Variants in PPM1L observed in about 807,000 individuals in gnomAD.
PPM1L encodes protein phosphatase 1L.
Under a neutral mutation model 31.4 loss-of-function variants are expected in PPM1L, and 13 were observed. The observed-to-expected ratio is 0.41, with a 90% CI of 0.27 to 0.66. PPM1L has a LOEUF of 0.66. Among genes scored for constraint, PPM1L ranks in the 30% least tolerant of loss-of-function variants. The probability of loss-of-function intolerance (pLI) is 0.29; values close to 1 mark genes in which losing one functional copy is unlikely to be tolerated. For synonymous variants in PPM1L, 184 were observed against 175.4 expected (o/e 1.05, Z -0.39); for missense variants, 326 against 453.7 (o/e 0.72, Z 2.56).
rs1553748137 is a variant in PPM1L at position 160,944,802 on chromosome 3, C to CATATATTATATATATGTT, written c.400-16928_400-16927insTATATATATGTTATATAT. ...ATTATATTATATATGTTATATATAA[C>CATATATTATATATATGTT]ATATATAACATATATATGTTATATA... On this transcript the variant is annotated intron_variant, in intron 1 of 3. Transcript: ENST00000498165. Among the ~76,000 whole-genome samples, 25 of 14,320 alleles carry CATATATTATATATATGTT rather than the reference C, an allele frequency of 1.7e-3. 7 individuals carry two copies. The highest frequency in any genetic ancestry group is 4.6e-3 in the Non-Finnish European group (16 of 3,478). 9.4% of individuals were successfully genotyped at this position (14,320 alleles called of 152,430 possible). A position where few individuals can be genotyped will look rare whatever the true frequency, so the allele number is the denominator to read the frequency against.
At chr3:160,829,505 A>G (rs1414021568) in intron 1 of PPM1L, among the ~76,000 whole-genome samples, 1 of 152,144 alleles carries the variant, frequency 6.6e-6, no homozygotes, top group African/African-American at 2.4e-5. Context: ...TAGACAACTC[A>G]CTCAACTGCC....
intron 1 of PPM1L, among the ~76,000 whole-genome samples, chr3:160,920,653 A>C (rs1423143052): frequency 1.3e-5 from 2 of 150,910 alleles, no homozygotes; most frequent in Non-Finnish European, 3.0e-5. Flanking sequence ...ACACACACAC[A>C]CACACACACA....
At chr3:160,788,796 T>C (rs1181641746) in intron 1 of PPM1L, among the ~76,000 whole-genome samples, 1 of 152,068 alleles carries the variant, frequency 6.6e-6, no homozygotes, top group Non-Finnish European at 1.5e-5. Context: ...CCATCTTTTC[T>C]CTGCTTTTTT....
At chr3:160,992,610 C>T (rs1717171551) in intron 2 of PPM1L, among the ~76,000 whole-genome samples, 1 of 152,250 alleles carries the variant, frequency 6.6e-6, no homozygotes, top group South Asian at 2.1e-4. Flanking sequence ...CCTTACTCAG[C>T]TCTTTCTCTC....
At chr3:161,007,441 G>A (rs960826900) in intron 2 of PPM1L, among the ~76,000 whole-genome samples, 1 of 152,174 alleles carries the variant, frequency 6.6e-6, no homozygotes, top group Non-Finnish European at 1.5e-5. Context: ...TTGAGGGAAA[G>A]CAAGGAGGCC....
intron 1 of PPM1L, among the ~76,000 whole-genome samples, chr3:160,899,664 A>T (rs1713473247): frequency 6.6e-6 from 1 of 152,148 alleles, no homozygotes; most frequent in Admixed American, 6.6e-5. Context: ...TAGTTGTCAG[A>T]ATCTTTAATT....
At chr3:160,918,029 C>T (rs1714251350) in intron 1 of PPM1L, among the ~76,000 whole-genome samples, 2 of 152,220 alleles carry the variant, frequency 1.3e-5, no homozygotes, top group African/African-American at 4.8e-5. Flanking sequence ...TCCCCAGCTG[C>T]ACATGCACAC....
At chr3:160,834,662 G>A (rs1022266797) in intron 1 of PPM1L, among the ~76,000 whole-genome samples, 1 of 152,018 alleles carries the variant, frequency 6.6e-6, no homozygotes, top group Non-Finnish European at 1.5e-5. Flanking sequence ...CATATAGTAT[G>A]CACTTAATAC....
intron 1 of PPM1L, among the ~76,000 whole-genome samples, chr3:160,903,111 G>A (rs1420452660): frequency 6.7e-6 from 1 of 149,294 alleles, no homozygotes. Context: ...CCCAAGGTTA[G>A]GTGTGGAATA....
intron 1 of PPM1L, among the ~76,000 whole-genome samples, chr3:160,918,063 A>T (rs895026971): frequency 6.6e-5 from 10 of 152,030 alleles, no homozygotes; most frequent in Non-Finnish European, 1.2e-4. Flanking sequence ...CTTCTCACTC[A>T]CAGGAGTCAC....
intron 1 of PPM1L, among the ~76,000 whole-genome samples, chr3:160,892,128 C>T (rs1576694684): frequency 6.6e-6 from 1 of 151,926 alleles, no homozygotes; most frequent in South Asian, 2.1e-4. Context: ...ACATGTATCC[C>T]GGAACTTAAA....
At chr3:160,792,524 C>T (rs1712135153) in intron 1 of PPM1L, among the ~76,000 whole-genome samples, 1 of 152,138 alleles carries the variant, frequency 6.6e-6, no homozygotes. Flanking sequence ...ATATTTGTCA[C>T]AATTGATGAG....
At chr3:160,964,711 C>T (rs149392108) in intron 2 of PPM1L, among the ~76,000 whole-genome samples, 29 of 152,044 alleles carry the variant, frequency 1.9e-4, no homozygotes, top group African/African-American at 6.7e-4. Flanking sequence ...ATAAAACACC[C>T]GCTCTGAGCT....
chr3:161,020,249 G>A lies in PPM1L; in HGVS notation c.575-45154G>A, dbSNP rs1023248063. 6.8e-4 allele frequency among the ~76,000 whole-genome samples: 103 copies of A among 151,734 alleles called. 2 individuals are homozygous for A. The highest frequency in any genetic ancestry group is 5.4e-3 in the Admixed American group (83 of 15,254). On this transcript the variant is annotated intron_variant, in intron 2 of 3. Coordinates refer to ENST00000498165, the MANE Select transcript of PPM1L (RefSeq NM_139245.4). Reference sequence around the variant, plus strand: ...ACATATATTTAAGTCCTGAACCCTCGTGTAGGCAAATTGGTTATTTATTTC... The same window carrying A: ...ACATATATTTAAGTCCTGAACCCTCATGTAGGCAAATTGGTTATTTATTTC...
At chr3:160,929,861 C>T (rs914493796) in intron 1 of PPM1L, among the ~76,000 whole-genome samples, 3 of 152,186 alleles carry the variant, frequency 2.0e-5, no homozygotes, top group Admixed American at 2.0e-4. Flanking sequence ...GCACAGTCCC[C>T]ACCACCTTCC....
rs760389545 is a variant in PPM1L, at chr3:161,073,349, C to A, written c.*4192C>A. 3.9e-5 allele frequency: 6 copies of A among 152,108 alleles called. No individual in the cohort carries two copies. The highest frequency in any genetic ancestry group is 7.4e-5 in the Non-Finnish European group (5 of 68,026). 9.4% of individuals were successfully genotyped at this position (152,108 alleles called of 1,614,324 possible). On this transcript the variant is annotated 3_prime_UTR_variant, in exon 4 of 4. Coordinates refer to ENST00000498165, the MANE Select transcript of PPM1L (RefSeq NM_139245.4). The stretch of plus-strand genomic sequence containing the variant: ...CAAGGAACTTGTGTTCTAAAGAACA[C>A]CCTTTGGGAAATTCTGGTATATTGA...
rs565075246 is a variant in PPM1L at position 161,059,607 on chromosome 3, T to G, written c.575-5796T>G. On this transcript the variant is annotated intron_variant, in intron 2 of 3. Transcript: ENST00000498165. ...TTGGGTGCTTTTAATATTCTAGACA[T>G]CAGCATTGTAGTGGGAAAATCCAAA... Among the ~76,000 whole-genome samples the G allele has an allele frequency of 4.6e-5, 7 of 152,206 alleles. No homozygotes were observed. The East Asian group carries it at 1.4e-3, about 29-fold the overall frequency.
chr3:160,844,131 A>T (rs935603838), intron 1 of PPM1L, among the ~76,000 whole-genome samples: 19 of 152,190 alleles, frequency 1.2e-4, no homozygotes, highest in African/African-American at 3.9e-4. Flanking sequence ...CACTTAGGTG[A>T]TCTGAATGTA....
chr3:161,003,014 T>A (rs1371541782), intron 2 of PPM1L, among the ~76,000 whole-genome samples: 1 of 150,788 alleles, frequency 6.6e-6, no homozygotes, highest in Non-Finnish European at 1.5e-5. Flanking sequence ...TTGATTTTTG[T>A]ATAAAGTGTA....
Sources: gnomAD v4.1 joint callset for allele counts (sites outside exome capture counted in the v4.1 genomes callset) on GRCh38, gnomAD v4.1.1 for gene constraint, MANE v1.5 for transcripts, NCBI Gene and HGNC (gene_info 2026-07-23, HGNC 2026-07-21) for gene names.